Variants in SLC35F1 observed in about 807,000 individuals in gnomAD.
SLC35F1 encodes solute carrier family 35 member F1.
Under a neutral mutation model 48.7 loss-of-function variants are expected in SLC35F1, and 14 were observed. That is an observed-to-expected ratio of 0.29 (90% CI 0.19 to 0.45). The LOEUF (loss-of-function observed/expected upper bound fraction) is 0.45. Among genes scored for constraint, SLC35F1 ranks in the 20% least tolerant of loss-of-function variants. SLC35F1 has a pLI of 1.00. For missense variants in SLC35F1, 404 were observed against 500.0 expected, an observed-to-expected ratio of 0.81 and a Z score of 1.83; for synonymous variants, 190 against 202.2, an observed-to-expected ratio of 0.94 and a Z score of 0.51.
intron 2 of SLC35F1, among the ~76,000 whole-genome samples, chr6:118,181,190 G>A (rs1334460475): frequency 1.3e-5 from 2 of 152,132 alleles, no homozygotes; most frequent in Non-Finnish European, 1.5e-5. Context: ...AGAAGGAATG[G>A]TAAGTAAATA....
chr6:117,968,954 A>G (rs918981580), intron 1 of SLC35F1, among the ~76,000 whole-genome samples: 3 of 151,954 alleles, frequency 2.0e-5, no homozygotes, highest in Non-Finnish European at 4.4e-5. Flanking sequence ...AAGTTCTCCA[A>G]CTCCTAGTTT....
intron 1 of SLC35F1, among the ~76,000 whole-genome samples, chr6:118,104,151 A>G (rs1201433741): frequency 1.6e-5 from 2 of 127,974 alleles, no homozygotes; most frequent in South Asian, 2.5e-4. Flanking sequence ...TCCCCTCCCT[A>G]TCTTCCTCTC....
At chr6:118,049,517 A>G (rs1772353002) in intron 1 of SLC35F1, among the ~76,000 whole-genome samples, 1 of 152,034 alleles carries the variant, frequency 6.6e-6, no homozygotes, top group Non-Finnish European at 1.5e-5. Flanking sequence ...CAAATTTACA[A>G]GAAAAAAACA....
chr6:117,977,322 A>G (rs1776718731), intron 1 of SLC35F1, among the ~76,000 whole-genome samples: 1 of 151,092 alleles, frequency 6.6e-6, no homozygotes, highest in African/African-American at 2.4e-5. Flanking sequence ...TCAGCCTCCC[A>G]AGGCTTTTGA....
intron 1 of SLC35F1, among the ~76,000 whole-genome samples, chr6:117,990,817 G>C (rs1477126968): frequency 6.6e-6 from 1 of 152,166 alleles, no homozygotes; most frequent in Non-Finnish European, 1.5e-5. Context: ...CCCAGACTCA[G>C]CTGGGGTGGC....
chr6:118,228,440 C>T (rs1354044251), intron 2 of SLC35F1, among the ~76,000 whole-genome samples: 2 of 152,136 alleles, frequency 1.3e-5, no homozygotes, highest in African/African-American at 4.8e-5. Flanking sequence ...TGGTGGCTCA[C>T]ATCTGTAATC....
intron 3 of SLC35F1, among the ~76,000 whole-genome samples, chr6:118,262,731 T>C (rs538084216): frequency 6.6e-6 from 1 of 152,290 alleles, no homozygotes; most frequent in Non-Finnish European, 1.5e-5. Context: ...AAAAATAACA[T>C]AATCGTTTTT....
At chr6:118,233,281 T>C (rs1027900227) in intron 2 of SLC35F1, among the ~76,000 whole-genome samples, 9 of 152,246 alleles carry the variant, frequency 5.9e-5, no homozygotes, top group African/African-American at 2.2e-4. Context: ...TTTTAAAAGC[T>C]CTCCAGATGA....
rs1772820270 is a variant in SLC35F1, at chr6:118,076,504, A to G, written c.174-77941A>G. Among the ~76,000 whole-genome samples the G allele has an allele frequency of 2.0e-5, 3 of 152,312 alleles. No homozygotes were observed. In the South Asian group the frequency reaches 6.2e-4, roughly 32 times the overall value. ...GGCAGAAGGCAAAGAGGAAGCAAGC[A>G]CATCTTCACATGGTGACGAGAGAGA... is the stretch of plus-strand genomic sequence containing the variant. On this transcript the variant is annotated intron_variant, in intron 1 of 7. Transcript: ENST00000360388.
intron 1 of SLC35F1, among the ~76,000 whole-genome samples, chr6:118,142,669 A>G (rs762806815): frequency 5.9e-5 from 9 of 152,182 alleles, no homozygotes; most frequent in Admixed American, 6.5e-5. Flanking sequence ...TTTCATTCTT[A>G]TAGAAGACCT....
intron 2 of SLC35F1, among the ~76,000 whole-genome samples, chr6:118,158,446 G>A (rs965802356): frequency 1.6e-4 from 25 of 152,284 alleles, no homozygotes; most frequent in African/African-American, 5.1e-4. Flanking sequence ...TCACCGCTCC[G>A]AGAGCTGCAA....
intron 1 of SLC35F1, among the ~76,000 whole-genome samples, chr6:117,999,790 A>G (rs1017301017): frequency 7.9e-5 from 12 of 151,932 alleles, no homozygotes; most frequent in African/African-American, 2.9e-4. Context: ...CCACAGAAAT[A>G]CAAACTACCA....
intron 2 of SLC35F1, among the ~76,000 whole-genome samples, chr6:118,215,035 A>G (rs1775053835): frequency 6.6e-6 from 1 of 152,072 alleles, no homozygotes; most frequent in Admixed American, 6.5e-5. Context: ...GACCTTTGTT[A>G]CACTCTTCTC....
chr6:118,152,901 C>A (rs192797550), intron 1 of SLC35F1, among the ~76,000 whole-genome samples: 7 of 152,288 alleles, frequency 4.6e-5, no homozygotes, highest in Admixed American at 3.3e-4. Context: ...AAGCAGCATA[C>A]TGACATTTTA....
At chr6:118,018,039 G>A (rs1313929514) in intron 1 of SLC35F1, among the ~76,000 whole-genome samples, 4 of 152,104 alleles carry the variant, frequency 2.6e-5, no homozygotes, top group South Asian at 2.1e-4. Context: ...AGCTGCATAA[G>A]TTCCTCAGTT....
chr6:117,964,997 G>A (rs1252519287), intron 1 of SLC35F1, among the ~76,000 whole-genome samples: 1 of 152,040 alleles, frequency 6.6e-6, no homozygotes, highest in Non-Finnish European at 1.5e-5. Flanking sequence ...GGAAGGAGAC[G>A]GTCACTTAGG....
At chr6:118,074,300 A>G (rs566792050) in intron 1 of SLC35F1, among the ~76,000 whole-genome samples, 9 of 152,342 alleles carry the variant, frequency 5.9e-5, no homozygotes, top group African/African-American at 2.2e-4. Context: ...AAGTGGAGTA[A>G]TTCAGGTTGT....
chr6:118,206,881 C>T (rs979083413), intron 2 of SLC35F1, among the ~76,000 whole-genome samples: 13 of 152,132 alleles, frequency 8.5e-5, no homozygotes, highest in African/African-American at 3.1e-4. Flanking sequence ...TTAGAAAATT[C>T]AGGATTAAAC....
chr6:118,266,988 C>G lies in SLC35F1; in HGVS notation c.478-7C>G, dbSNP rs74571642. On this transcript the variant is annotated splice_polypyrimidine_tract_variant and splice_region_variant and intron_variant, in intron 3 of 7. Transcript: ENST00000360388. ...CTGTTGTTGTTTACCTTCATCCCTC[C>G]CAATAGCTCCTGGACTGTTTTGTGA... 7.5e-3 allele frequency: 12,080 copies of G among 1,613,594 alleles called. 785 individuals carry two copies. The African/African-American group carries it at 0.14, about 18-fold the overall frequency.
Sources: allele counts gnomAD v4.1 joint callset (sites outside exome capture counted in the v4.1 genomes callset), GRCh38; gene constraint gnomAD v4.1.1; transcripts MANE v1.5; gene names NCBI Gene and HGNC (gene_info 2026-07-23, HGNC 2026-07-21).